SSH2: variants seen among roughly 807,000 people sequenced by gnomAD.
SSH2 encodes slingshot protein phosphatase 2.
SSH2 carries 37 observed loss-of-function variants against 135.2 expected under a neutral mutation model. That is an observed-to-expected ratio of 0.27 (90% CI 0.21 to 0.36). SSH2 has a LOEUF of 0.36. SSH2 is among the 10% of genes least tolerant of loss of function. SSH2 has a pLI of 1.00. For missense variants in SSH2, 1,408 were observed against 1,765.3 expected, an observed-to-expected ratio of 0.80 and a Z score of 3.63; for synonymous variants, 628 against 646.2, an observed-to-expected ratio of 0.97 and a Z score of 0.43.
chr17:29,760,444 T>C (rs2041254917), intron 3 of SSH2, among the ~76,000 whole-genome samples: 1 of 152,142 alleles, frequency 6.6e-6, no homozygotes, highest in Admixed American at 6.5e-5. Context: ...TGTGAAGTGA[T>C]ATTAACCACA....
intron 3 of SSH2, among the ~76,000 whole-genome samples, chr17:29,724,603 T>TC (rs2039936619): frequency 1.9e-5 from 2 of 107,586 alleles, no homozygotes; most frequent in Non-Finnish European, 4.2e-5. Context: ...TTTTTTTTTT[T>TC]TCAAAGAGAC....
intron 1 of SSH2, among the ~76,000 whole-genome samples, chr17:29,867,225 CTG>C (rs748449526): frequency 6.6e-6 from 1 of 152,198 alleles, no homozygotes; most frequent in Non-Finnish European, 1.5e-5. Context: ...AAGGTTAACT[CTG>C]TGTGTGCTGA....
chr17:29,684,706 A>T (rs778346340), intron 5 of SSH2, 22 bp from the exon 6 acceptor site: 28 of 1,599,938 alleles, frequency 1.8e-5, no homozygotes, highest in Non-Finnish European at 2.2e-5. Flanking sequence ...CAGACAACAG[A>T]GAAATTATGA....
At chr17:29,653,868 G>A (rs140610459) in intron 12 of SSH2, among the ~76,000 whole-genome samples, 1,566 of 152,248 alleles carry the variant, frequency 0.01, 32 homozygotes, top group African/African-American at 0.035. Flanking sequence ...GATTACAGGC[G>A]TGAGCTACTA....
intron 1 of SSH2, among the ~76,000 whole-genome samples, chr17:29,862,670 A>C (rs2065784513): frequency 6.6e-6 from 1 of 152,216 alleles, no homozygotes; most frequent in Non-Finnish European, 1.5e-5. Flanking sequence ...TCAGTGGCTA[A>C]GAGAGTCAAG....
intron 14 of SSH2, among the ~76,000 whole-genome samples, chr17:29,640,369 C>T (rs964902623): frequency 6.6e-6 from 1 of 152,174 alleles, no homozygotes; most frequent in Non-Finnish European, 1.5e-5. Context: ...AGCCACCACG[C>T]CCGGCCCCTC....
At chr17:29,824,644 C>A (rs2042713545) in intron 2 of SSH2, among the ~76,000 whole-genome samples, 1 of 152,060 alleles carries the variant, frequency 6.6e-6, no homozygotes, top group African/African-American at 2.4e-5. Flanking sequence ...GAAATGGATA[C>A]CTACCAACCT....
rs549200632 is a variant in SSH2, at chr17:29,743,041, C to CA, written c.189-39980dup. Among the ~76,000 whole-genome samples, 531 of 152,290 alleles carry CA rather than the reference C, an allele frequency of 3.5e-3. 4 individuals carry two copies. Among genetic ancestry groups the CA allele is most frequent in the Non-Finnish European group, 4.7e-3 (323 of 68,024 alleles). ...CCACCTCCCGGGTTCAAGGGACTCT[C>CA]ATGCGTCAGCCTCTTGAGTAGCTGG... is the stretch of plus-strand genomic sequence containing the variant. On this transcript the variant is annotated intron_variant, in intron 3 of 15. Coordinates refer to ENST00000540801, the MANE Select transcript of SSH2 (RefSeq NM_001282129.2).
At chr17:29,716,595 G>A (rs12602474) in intron 3 of SSH2, 9,828 of 694,348 alleles carry the variant, frequency 0.014, 444 homozygotes, top group East Asian at 0.14. Context: ...TTATAGATTC[G>A]CATATGCATG....
intron 3 of SSH2, among the ~76,000 whole-genome samples, chr17:29,767,629 G>A (rs199926360): frequency 6.1e-5 from 9 of 147,502 alleles, no homozygotes; most frequent in Non-Finnish European, 7.5e-5. Context: ...GCACACACAC[G>A]CACACACACA....
At chr17:29,914,093 T>C (rs559371829) in intron 1 of SSH2, among the ~76,000 whole-genome samples, 4 of 152,316 alleles carry the variant, frequency 2.6e-5, no homozygotes, top group African/African-American at 9.6e-5. Flanking sequence ...AGGATTCCTG[T>C]ATCCAAAGCT....
chr17:29,678,388 A>G (rs1188483133), intron 6 of SSH2, among the ~76,000 whole-genome samples: 1 of 152,046 alleles, frequency 6.6e-6, no homozygotes, highest in Non-Finnish European at 1.5e-5. Context: ...GCCCAGTCCC[A>G]AGGATTATTT....
intron 3 of SSH2, among the ~76,000 whole-genome samples, chr17:29,709,015 T>TATATATATATATAGAGAGAGAG (rs780981175): frequency 9.8e-5 from 8 of 81,586 alleles, no homozygotes; most frequent in African/African-American, 1.2e-4. Context: ...TATATATATA[T>TATATATATATATAGAGAGAGAG]AGAGAGAGAG....
intron 2 of SSH2, among the ~76,000 whole-genome samples, chr17:29,811,388 A>G (rs2042439375): frequency 6.6e-6 from 1 of 152,110 alleles, no homozygotes; most frequent in Non-Finnish European, 1.5e-5. Flanking sequence ...TCATTTCTAT[A>G]TATTTATTTT....
At chr17:29,714,574 T>C (rs900511004) in intron 3 of SSH2, among the ~76,000 whole-genome samples, 3 of 152,130 alleles carry the variant, frequency 2.0e-5, no homozygotes, top group Non-Finnish European at 4.4e-5. Context: ...CTTTCCCCAA[T>C]TCCCCAAATC....
At chr17:29,718,694 C>A (rs951757191) in intron 3 of SSH2, among the ~76,000 whole-genome samples, 2 of 126,738 alleles carry the variant, frequency 1.6e-5, no homozygotes, top group Admixed American at 2.1e-4. Context: ...GATCGTGCCA[C>A]TGCACTCTAG....
intron 3 of SSH2, among the ~76,000 whole-genome samples, chr17:29,783,795 G>C (rs1244777183): frequency 1.3e-5 from 2 of 151,980 alleles, no homozygotes; most frequent in Non-Finnish European, 1.5e-5. Context: ...GGCCGGGCGC[G>C]GTGGCTCACG....
intron 11 of SSH2, among the ~76,000 whole-genome samples, chr17:29,665,064 C>G (rs575230770): frequency 2.5e-4 from 38 of 152,250 alleles, no homozygotes; most frequent in Admixed American, 3.3e-4. Flanking sequence ...AGATATTTGT[C>G]CTTCATAAAA....
chr17:29,638,007 G>A (rs1296424468), intron 14 of SSH2, among the ~76,000 whole-genome samples: 3 of 151,610 alleles, frequency 2.0e-5, no homozygotes, highest in African/African-American at 2.4e-5. Flanking sequence ...CCAGCTACTC[G>A]GGAGGCTGAG....
Sources: allele counts gnomAD v4.1 joint callset (sites outside exome capture counted in the v4.1 genomes callset), GRCh38; gene constraint gnomAD v4.1.1; transcripts MANE v1.5; gene names NCBI Gene and HGNC (gene_info 2026-07-23, HGNC 2026-07-21).